Variants in KIF15 observed in about 807,000 individuals in gnomAD.
The protein encoded by KIF15 is kinesin-like protein KIF15.
A neutral mutation model predicts 190.6 loss-of-function variants in KIF15; 140 were observed. The ratio of observed to expected loss-of-function variants is 0.73; its 90% CI spans 0.64 to 0.84. The LOEUF (loss-of-function observed/expected upper bound fraction) is 0.84. KIF15 is among the 40% of genes least tolerant of loss of function. The pLI is 0.00. For synonymous variants in KIF15, 528 were observed against 551.3 expected (o/e 0.96, Z 0.59); for missense variants, 1,372 against 1,584.4 (o/e 0.87, Z 2.28).
chr3:44,799,413 G>T, intron 10 of KIF15: 1 of 448,506 alleles, frequency 2.2e-6, no homozygotes, highest in South Asian at 1.6e-5. Context: ...AAGACCTTGG[G>T]GCTGTCACAG....
chr3:44,828,668 T>TC (rs1254093832), intron 24 of KIF15, among the ~76,000 whole-genome samples: 1 of 152,250 alleles, frequency 6.6e-6, no homozygotes, highest in African/African-American at 2.4e-5. Context: ...AGTCTGTATG[T>TC]CCAAGTTTAA....
chr3:44,847,628 G>A (rs79672468), intron 30 of KIF15, among the ~76,000 whole-genome samples: 4 of 152,244 alleles, frequency 2.6e-5, no homozygotes, highest in Non-Finnish European at 5.9e-5. Context: ...TTCATACCAG[G>A]CTCTTGGCTC....
At chr3:44,839,709 C>T (rs547531974) in intron 27 of KIF15, among the ~76,000 whole-genome samples, 2 of 152,286 alleles carry the variant, frequency 1.3e-5, no homozygotes, top group Non-Finnish European at 2.9e-5. Flanking sequence ...TTCCCCCAGA[C>T]TCTGGTACTC....
intron 22 of KIF15, 118 bp downstream of exon 22, chr3:44,826,578 C>A: frequency 3.0e-6 from 2 of 660,712 alleles, no homozygotes; most frequent in Non-Finnish European, 5.0e-6. Flanking sequence ...TAAAGCATTC[C>A]AAAAGCAACA....
rs1479161865 is a variant in KIF15 at position 44,777,638 on chromosome 3, C to T, written c.247-477C>T. ...CCTGGGAGGCGGAAGTTTCAGTGAG[C>T]CGAGATTGCGCCATTGCACTAAAGG... is the stretch of plus-strand genomic sequence containing the variant. On this transcript the variant is annotated intron_variant, in intron 3 of 34. Transcript: ENST00000326047. Among the ~76,000 whole-genome samples the T allele has an allele frequency of 2.6e-5, 4 of 152,254 alleles. No individual in the cohort carries two copies. In the East Asian group the frequency reaches 7.7e-4, roughly 29 times the overall value.
intron 24 of KIF15, among the ~76,000 whole-genome samples, chr3:44,829,711 GTATATATATTATAGA>G (rs1697954359): frequency 7.8e-6 from 1 of 127,564 alleles, no homozygotes; most frequent in African/African-American, 3.1e-5. Context: ...TATTATAGAT[GTATATATATTATAGA>G]TGTATATATT....
intron 20 of KIF15, among the ~76,000 whole-genome samples, chr3:44,818,472 A>C (rs1008399556): frequency 1.4e-4 from 22 of 152,138 alleles, no homozygotes; most frequent in Non-Finnish European, 2.6e-4. Context: ...AATTTTGTCG[A>C]AGGCCTTTTC....
chr3:44,785,082 C>A (rs1021832954), intron 6 of KIF15, 140 bp downstream of exon 6: 4 of 493,534 alleles, frequency 8.1e-6, no homozygotes, highest in Admixed American at 4.3e-5. Context: ...TAAAAAAAAA[C>A]CTTTCAATTC....
rs573180238 is a variant in KIF15, at chr3:44,781,331, T to C, written c.361+409T>C. ...TGATCCTCTACAAATAATATTTTGT[T>C]GTGTATCTTTTGTTTCTGATGTCTT... On this transcript the variant is annotated intron_variant, in intron 5 of 34. Coordinates refer to ENST00000326047, the MANE Select transcript of KIF15 (RefSeq NM_020242.3). 3.9e-5 allele frequency among the ~76,000 whole-genome samples: 6 copies of C among 152,330 alleles called. No individual in the cohort carries two copies. The East Asian group carries it at 1.2e-3, about 29-fold the overall frequency.
chr3:44,819,881 A>C (rs1033732619), intron 20 of KIF15, among the ~76,000 whole-genome samples: 2 of 152,206 alleles, frequency 1.3e-5, no homozygotes, highest in African/African-American at 4.8e-5. Flanking sequence ...TGGGAGTCTA[A>C]GTCTCTTTGT....
At chr3:44,803,023 G>A (rs1202329532) in intron 14 of KIF15, 32 bp downstream of exon 14, 12 of 1,551,674 alleles carry the variant, frequency 7.7e-6, no homozygotes, top group Admixed American at 2.1e-5. Context: ...TACGTGCCAT[G>A]TAGGAAGGGG....
In KIF15 at chr3:44,847,328, G is replaced by A. The variant is rs138928939; in HGVS notation, c.3696-657G>A. Among the ~76,000 whole-genome samples the A allele has an allele frequency of 3.1e-3, 477 of 152,306 alleles. 1 individual carries two copies. Among genetic ancestry groups the A allele is most frequent in the Non-Finnish European group, 4.6e-3 (314 of 68,024 alleles). On this transcript the variant is annotated intron_variant, in intron 30 of 34. Coordinates refer to ENST00000326047, the MANE Select transcript of KIF15 (RefSeq NM_020242.3). ...GGGATGTCTCTCTGGTCCAGGGGCT[G>A]CACACAGAAACTCAACTTATTATCC...
At chr3:44,842,928 A>T (rs1344246487) in intron 29 of KIF15, among the ~76,000 whole-genome samples, 197 bp from the exon 30 acceptor site, 1 of 152,202 alleles carries the variant, frequency 6.6e-6, no homozygotes, top group Non-Finnish European at 1.5e-5. Flanking sequence ...TGTTCAAGAC[A>T]CTGTGGATGT....
At chr3:44,838,977 G>A (rs567234641) in intron 27 of KIF15, among the ~76,000 whole-genome samples, 39 of 152,226 alleles carry the variant, frequency 2.6e-4, no homozygotes, top group Non-Finnish European at 2.2e-4. Flanking sequence ...ATTTTTGGTG[G>A]TTGTTGTTGT....
intron 16 of KIF15, among the ~76,000 whole-genome samples, chr3:44,810,370 G>A (rs1026524254): frequency 6.6e-5 from 10 of 152,050 alleles, no homozygotes; most frequent in Admixed American, 3.3e-4. Context: ...TCCTGCCTCA[G>A]CTTCCCAAGT....
intron 6 of KIF15, among the ~76,000 whole-genome samples, chr3:44,867,027 C>T (rs538535027): frequency 1.2e-4 from 19 of 152,350 alleles, no homozygotes; most frequent in Admixed American, 1.2e-3. Flanking sequence ...TCATTTAGCT[C>T]CACTTTGACA....
chr3:44,763,602 A>G (rs1262227827), intron 1 of KIF15, among the ~76,000 whole-genome samples: 3 of 152,032 alleles, frequency 2.0e-5, no homozygotes, highest in Non-Finnish European at 4.4e-5. Context: ...ACCCGGCCCC[A>G]TGAAGGCTAT....
At chr3:44,769,129 G>A (rs547693815) in intron 1 of KIF15, among the ~76,000 whole-genome samples, 1 of 152,300 alleles carries the variant, frequency 6.6e-6, no homozygotes, top group South Asian at 2.1e-4. Context: ...CAGTTTAGAG[G>A]ATGGATCCAA....
chr3:44,778,855 G>T (rs1345100905), intron 4 of KIF15, among the ~76,000 whole-genome samples: 1 of 151,358 alleles, frequency 6.6e-6, no homozygotes, highest in African/African-American at 2.4e-5. Context: ...GGTAGTGGTC[G>T]CCTGTAGTCC....
Sources: allele counts gnomAD v4.1 joint callset (sites outside exome capture counted in the v4.1 genomes callset), GRCh38; gene constraint gnomAD v4.1.1; transcripts MANE v1.5; gene names NCBI Gene and HGNC (gene_info 2026-07-23, HGNC 2026-07-21).